Variants in RTP5 observed in about 807,000 individuals in gnomAD.
RTP5 encodes receptor-transporting protein 5.
A neutral mutation model predicts 23.5 loss-of-function variants in RTP5; 30 were observed. The ratio of observed to expected loss-of-function variants is 1.27; its 90% confidence interval spans 0.95 to 1.73. The LOEUF is 1.73. Ranked by LOEUF, RTP5 falls within the 40% of genes most tolerant of loss-of-function variation. RTP5 has a pLI of 0.00. For synonymous variants in RTP5, 354 were observed against 342.1 expected (o/e 1.03, Z -0.38); for missense variants, 807 against 784.2 (o/e 1.03, Z -0.35).
Position 241,873,253 on chromosome 2 carries a change from G to A in RTP5, c.1698G>A (p.Gly566=), listed in dbSNP as rs1027921832. 3.1e-6 allele frequency: 5 copies of A among 1,587,768 alleles called. No homozygotes were observed. The highest frequency in any genetic ancestry group is 1.3e-5 in the African/African-American group (1 of 74,656). The change falls in exon 2 of 2, where the codon GGG becomes GGA. Residue 566 remains glycine, a synonymous_variant. Coordinates refer to ENST00000343216, the MANE Select transcript of RTP5 (RefSeq NM_173821.3). ...TGTGCATGTGTCGGCTGAACCCCGG[G>A]ATCTACCCGCAGCAAGTGTGACGCC... ...WLMCMCRLNP[G]IYPQQV
chr2:241,872,834 G>A lies in RTP5; in HGVS notation c.1279G>A (p.Ala427Thr), dbSNP rs1701352444. ...GGGCTCCCTTGCCCTCCCCTTCCCT[G>A]CTGATGTCCAAGGCAAAGATGCCTT... ...VKGSLALPFP[A>T]DVQGKDAFTD... is the part of the protein sequence containing the mutation. The change falls in exon 2 of 2, where the codon GCT becomes ACT. Residue 427 changes from alanine (A) to threonine (T), a missense_variant. Physicochemically the swap from Ala to Thr is moderately conservative, Grantham distance 58. Coordinates refer to ENST00000343216, the MANE Select transcript of RTP5 (RefSeq NM_173821.3). The A allele has an allele frequency of 6.2e-7, 1 of 1,612,536 alleles. No homozygotes were observed. Among genetic ancestry groups the A allele is most frequent in the African/African-American group, 1.3e-5 (1 of 74,942 alleles).
rs1157034633 is a variant in RTP5 at position 241,872,979 on chromosome 2, C to T, written c.1424C>T (p.Pro475Leu). The stretch of plus-strand genomic sequence containing the variant: ...GTTAGTGAGGGCTGCATCACCATCC[C>T]CTTCGCAGTCTTCGATGTCATAAAG... Reference protein sequence around the residue: ...ITVSEGCITIPFAVFDVIKRK... With the variant: ...ITVSEGCITILFAVFDVIKRK... Residue 475 changes from proline to leucine, a missense_variant, in exon 2 of 2, where the codon CCC (proline) becomes CTC (leucine). Transcript: ENST00000343216. The T allele has an allele frequency of 1.9e-6, 3 of 1,613,192 alleles. No individual in the cohort carries two copies. The highest frequency in any genetic ancestry group is 4.5e-5 in the East Asian group (2 of 44,878).
In RTP5 at chr2:241,869,979, T is replaced by C. The variant is rs1285897420; in HGVS notation, c.158+65T>C. ...CTGAAGGTGCTTTTCCACGGGACCT[T>C]GGGTGGTCCCAGAGGCTGGGTGGGG... On this transcript the variant is annotated intron_variant, in intron 1 of 1. Transcript: ENST00000343216. 3 of 1,258,246 alleles carry C rather than the reference T, an allele frequency of 2.4e-6. No homozygotes were observed. In the African/African-American group the frequency reaches 4.8e-5, roughly 20 times the overall value. 77.9% of individuals were successfully genotyped at this position (1,258,246 alleles called of 1,614,324 possible).
rs1215524924 is a variant in RTP5, at chr2:241,871,791, C to G, written c.236C>G (p.Ala79Gly). Residue 79 changes from alanine (A) to glycine (G), a missense_variant, in exon 2 of 2, where the codon GCC (alanine) becomes GGC (glycine). Transcript: ENST00000343216. ...HVLFHLWWDR[A>G]SHRGLVKMRI... Reference sequence around the variant, plus strand: ...CTCTTCCACCTGTGGTGGGACAGGGCCAGCCACCGGGGGCTGGTGAAGATG... The same window carrying G: ...CTCTTCCACCTGTGGTGGGACAGGGGCAGCCACCGGGGGCTGGTGAAGATG... 1.3e-6 allele frequency: 2 copies of G among 1,583,862 alleles called. No homozygotes were observed. The highest frequency in any genetic ancestry group is 1.8e-5 in the Admixed American group (1 of 55,190).
chr2:241,870,518 G>A (rs934448257), intron 1 of RTP5, among the ~76,000 whole-genome samples: 1 of 152,268 alleles, frequency 6.6e-6, no homozygotes, highest in East Asian at 1.9e-4. Context: ...CGGCCTGACA[G>A]GCCCCCAGGC....
chr2:241,869,937 C>T, intron 1 of RTP5, 23 bp downstream of exon 1: 1 of 1,470,054 alleles, frequency 6.8e-7, no homozygotes, highest in Non-Finnish European at 9.0e-7. Flanking sequence ...GTTGGGGACC[C>T]TGGGAGAGGC....
rs1009154673 is a variant in RTP5, at chr2:241,872,057, A to G, written c.502A>G (p.Lys168Glu). The G allele has an allele frequency of 6.4e-7, 1 of 1,569,504 alleles. No homozygotes were observed. The highest frequency in any genetic ancestry group is 8.7e-7 in the Non-Finnish European group (1 of 1,152,892). ...CCCCGCCTGGAGCGCCAACGCCACA[A>G]AAGGCAACTTCCCCGCCACGGCCTG... Reference protein sequence around the residue: ...PDPAWSANATKGNFPATAWGG... With the variant: ...PDPAWSANATEGNFPATAWGG... The change falls in exon 2 of 2, where the codon AAA becomes GAA. Residue 168 changes from lysine to glutamate, a missense_variant. By Grantham distance (56) the Lys-to-Glu change is moderately conservative. Coordinates refer to ENST00000343216, the MANE Select transcript of RTP5 (RefSeq NM_173821.3).
chr2:241,873,294 C>T lies in RTP5; in HGVS notation c.*20C>T. ...GTGTGACGCCCCGAAGTTCAGGCAA[C>T]CCTCGCCTCTGGGACCCCGCCTCGC... is the stretch of plus-strand genomic sequence containing the variant. On this transcript the variant is annotated 3_prime_UTR_variant, in exon 2 of 2. Transcript: ENST00000343216. 6.4e-7 allele frequency: 1 copy of T among 1,553,962 alleles called. No individual in the cohort carries two copies. The highest frequency in any genetic ancestry group is 8.7e-7 in the Non-Finnish European group (1 of 1,152,646).
chr2:241,873,482 ACC>A lies in RTP5; in HGVS notation c.*213_*214del. 6.4e-6 allele frequency: 2 copies of A among 312,148 alleles called. No individual in the cohort carries two copies. The highest frequency in any genetic ancestry group is 1.0e-5 in the Non-Finnish European group (2 of 194,618). The allele number at this position is 312,148 out of a possible 1,614,324, so 19.3% of individuals were successfully genotyped here. A position where few individuals can be genotyped will look rare whatever the true frequency, so the allele number is the denominator to read the frequency against. The stretch of plus-strand genomic sequence containing the variant: ...TGAGACCCCGCCTCACCTCTGAGAC[ACC>A]CCCCAACCCCACCTTTGAGATGCCC... On this transcript the variant is annotated 3_prime_UTR_variant, in exon 2 of 2. Coordinates refer to ENST00000343216, the MANE Select transcript of RTP5 (RefSeq NM_173821.3).
Position 241,872,335 on chromosome 2 carries a change from C to T in RTP5, c.780C>T (p.Gly260=). The T allele has an allele frequency of 6.2e-7, 1 of 1,609,550 alleles. No individual in the cohort carries two copies. Among genetic ancestry groups the T allele is most frequent in the Non-Finnish European group, 8.5e-7 (1 of 1,178,538 alleles). The stretch of plus-strand genomic sequence containing the variant: ...CAGTGGCCATGCCTGGGGGCAAAGG[C>T]TTCCCGGTGGCCATTGGAGACCCCC... ...GDSVAMPGGK[G]FPVAIGDPLF... is the part of the protein sequence containing the mutation. Residue 260 remains glycine, a synonymous_variant, in exon 2 of 2, where the codon GGC becomes GGT. Coordinates refer to ENST00000343216, the MANE Select transcript of RTP5 (RefSeq NM_173821.3).
chr2:241,871,703 C>G lies in RTP5; in HGVS notation c.159-11C>G. 8 of 1,589,230 alleles carry G rather than the reference C, an allele frequency of 5.0e-6. No homozygotes were observed. The highest frequency in any genetic ancestry group is 6.8e-6 in the Non-Finnish European group (8 of 1,168,652). On this transcript the variant is annotated splice_polypyrimidine_tract_variant and intron_variant, in intron 1 of 1. Transcript: ENST00000343216. Reference sequence around the variant, plus strand: ...CTCCTGCACTCACACACACTTCTTTCCCCGCCGCAGGCTCCAGTGCGGTCA... The same window carrying G: ...CTCCTGCACTCACACACACTTCTTTGCCCGCCGCAGGCTCCAGTGCGGTCA...
At position 241,872,983 on chromosome 2, in the gene RTP5, C is replaced by G. The variant is rs375279566; in HGVS notation, c.1428C>G (p.Phe476Leu). Reference protein sequence around the residue: ...TVSEGCITIPFAVFDVIKRKG... With the variant: ...TVSEGCITIPLAVFDVIKRKG... The stretch of plus-strand genomic sequence containing the variant: ...GTGAGGGCTGCATCACCATCCCCTT[C>G]GCAGTCTTCGATGTCATAAAGCGCA... Residue 476 changes from phenylalanine to leucine, a missense_variant, in exon 2 of 2, where the codon TTC (phenylalanine) becomes TTG (leucine). By Grantham distance (22) the Phe-to-Leu change is conservative (BLOSUM62 0). Transcript: ENST00000343216. The G allele has an allele frequency of 6.2e-7, 1 of 1,613,186 alleles. No homozygotes were observed. The highest frequency in any genetic ancestry group is 1.1e-5 in the South Asian group (1 of 91,088).
Position 241,872,485 on chromosome 2 carries a change from C to T in RTP5, c.930C>T (p.Ser310=), listed in dbSNP as rs1395750107. ...TGGCCCAGGGCTGGGGCCCCATCTC[C>T]CTCAACAATGGCCTCGTCCCTGTGG... ...VGVAQGWGPI[S]LNNGLVPVGK... Residue 310 remains serine (S), a synonymous_variant, in exon 2 of 2, where the codon TCC becomes TCT. Transcript: ENST00000343216. 2 of 1,596,262 alleles carry T rather than the reference C, an allele frequency of 1.3e-6. No individual in the cohort carries two copies. Among genetic ancestry groups the T allele is most frequent in the Admixed American group, 3.6e-5 (2 of 56,162 alleles).
intron 1 of RTP5, chr2:241,871,003 C>T (rs1255505940): frequency 6.4e-6 from 3 of 471,170 alleles, no homozygotes; most frequent in Non-Finnish European, 1.3e-5. Context: ...TTCCCTGAAG[C>T]TCACAGCTGC....
chr2:241,872,355 A>T lies in RTP5; in HGVS notation c.800A>T (p.Asp267Val). 1 of 1,609,360 alleles carries T rather than the reference A, an allele frequency of 6.2e-7. No individual in the cohort carries two copies. The highest frequency in any genetic ancestry group is 8.5e-7 in the Non-Finnish European group (1 of 1,178,636). The change falls in exon 2 of 2, where the codon GAC becomes GTC. Residue 267 changes from aspartate (D) to valine (V), a missense_variant. Coordinates refer to ENST00000343216, the MANE Select transcript of RTP5 (RefSeq NM_173821.3). ...AAAGGCTTCCCGGTGGCCATTGGAG[A>T]CCCCCTCTTCCACGGCCCCGGCCTC... is the stretch of plus-strand genomic sequence containing the variant. Reference protein sequence around the residue: ...GGKGFPVAIGDPLFHGPGLLG... With the variant: ...GGKGFPVAIGVPLFHGPGLLG...
In RTP5 at chr2:241,871,900, C is replaced by T. The variant is rs369899603; in HGVS notation, c.345C>T (p.Ser115=). ...CCCCGGGCGAGCAGCCCTTCCTCAG[C>T]AGGCTGGTCTTGCACATCCTGCAGG... ...VRPPGEQPFL[S]RLVLHILQDC... Residue 115 remains serine, a synonymous_variant, in exon 2 of 2, where the codon AGC becomes AGT. Coordinates refer to ENST00000343216, the MANE Select transcript of RTP5 (RefSeq NM_173821.3). The T allele has an allele frequency of 4.1e-5, 65 of 1,567,050 alleles. No homozygotes were observed. The African/African-American group carries it at 7.5e-4, about 18-fold the overall frequency.
At position 241,872,764 on chromosome 2, in the gene RTP5, C is replaced by T. The variant is rs775719201; in HGVS notation, c.1209C>T (p.Asp403=). The T allele has an allele frequency of 3.9e-5, 63 of 1,599,652 alleles. No homozygotes were observed. Among genetic ancestry groups the T allele is most frequent in the African/African-American group, 1.1e-4 (8 of 74,736 alleles). ...AGGGCCTCGTCCCAGTGGGTCACGACGCCCTGCCAGAGACCAATGCTGGTG... is the reference window on the plus strand; with the variant it reads ...AGGGCCTCGTCCCAGTGGGTCACGATGCCCTGCCAGAGACCAATGCTGGTG... ...GGQGLVPVGH[D]ALPETNAGGL... The change falls in exon 2 of 2, where the codon GAC becomes GAT. Residue 403 remains aspartate, a synonymous_variant. Coordinates refer to ENST00000343216, the MANE Select transcript of RTP5 (RefSeq NM_173821.3).
intron 1 of RTP5, chr2:241,870,913 G>A (rs1199376100): frequency 6.4e-6 from 3 of 470,688 alleles, no homozygotes; most frequent in Non-Finnish European, 1.3e-5. Context: ...TGCAGGCAGG[G>A]CAGTGTGGCT....
rs774658771 is a variant in RTP5 at position 241,873,265 on chromosome 2, G to T, written c.1710G>T (p.Gln570His). Residue 570 changes from glutamine to histidine, a missense_variant, in exon 2 of 2, where the codon CAG (glutamine) becomes CAT (histidine). By Grantham distance (24) the Gln-to-His change is conservative. Transcript: ENST00000343216. ...MCRLNPGIYP[Q>H]QV is the part of the protein sequence containing the mutation. ...GGCTGAACCCCGGGATCTACCCGCA[G>T]CAAGTGTGACGCCCCGAAGTTCAGG... is the stretch of plus-strand genomic sequence containing the variant. 29 of 1,577,034 alleles carry T rather than the reference G, an allele frequency of 1.8e-5. No homozygotes were observed. The South Asian group carries it at 3.2e-4, about 17-fold the overall frequency.
Sources: gnomAD v4.1 joint callset for allele counts (sites outside exome capture counted in the v4.1 genomes callset) on GRCh38, gnomAD v4.1.1 for gene constraint, MANE v1.5 for transcripts, NCBI Gene and HGNC (gene_info 2026-07-23, HGNC 2026-07-21) for gene names.